The following CLTCL1 variants were observed in gnomAD, a reference collection of about 807,000 sequenced individuals.
The protein encoded by CLTCL1 is clathrin heavy chain like 1.
CLTCL1 carries 159 observed loss-of-function variants against 190.0 expected under a neutral mutation model. The observed-to-expected ratio is 0.84, with a 90% CI of 0.74 to 0.95. The LOEUF (loss-of-function observed/expected upper bound fraction) is 0.95, where lower values mean the gene tolerates loss of function less well. Ranked by LOEUF, CLTCL1 falls within the 40% of genes least tolerant of loss-of-function variation. The pLI is 0.00. For missense variants in CLTCL1, 1,878 were observed against 2,033.4 expected (o/e 0.92, Z 1.47); for synonymous variants, 752 against 769.6 (o/e 0.98, Z 0.38).
Position 19,198,364 on chromosome 22 carries a change from T to TA in CLTCL1, c.3873+1369dup, listed in dbSNP as rs1276399185. On this transcript the variant is annotated intron_variant, in intron 24 of 32. Coordinates refer to ENST00000427926, the MANE Select transcript of CLTCL1 (RefSeq NM_007098.4). This position sits in a 1 kb window ranked among gnomAD's most constrained non-coding sequence, Gnocchi z 4.1. ...CAGCTGCTCTTCTGGCTCCTGTCCC[T>TA]ACTCCTCAAGTATGTGTCTCAGCAC... Among the ~76,000 whole-genome samples, 1 of 152,078 alleles carries TA rather than the reference T, an allele frequency of 6.6e-6. No individual in the cohort carries two copies. The highest frequency in any genetic ancestry group is 6.5e-5 in the Admixed American group (1 of 15,274).
intron 1 of CLTCL1, among the ~76,000 whole-genome samples, chr22:19,276,305 TTAAACATTTCCC>T (rs2087501129): frequency 6.6e-6 from 1 of 152,218 alleles, no homozygotes; most frequent in African/African-American, 2.4e-5. Context: ...AAGTTTTTGC[TTAAACATTTCCC>T]TAGATATCAT....
At chr22:19,258,076 CTG>C in intron 2 of CLTCL1, 1 of 440,192 alleles carries the variant, frequency 2.3e-6, no homozygotes, top group East Asian at 5.6e-5. Flanking sequence ...TCCATGGGCT[CTG>C]CAAGGTCACT....
chr22:19,257,697 G>A (rs922986294), intron 2 of CLTCL1: 2 of 807,274 alleles, frequency 2.5e-6, no homozygotes, highest in Non-Finnish European at 3.6e-6. Context: ...GGGTGGCTTG[G>A]GGTCCAGGGC....
intron 2 of CLTCL1, chr22:19,258,295 C>T (rs560012258): frequency 2.4e-4 from 88 of 374,000 alleles, no homozygotes; most frequent in South Asian, 5.5e-4. Context: ...GACAAGCTGA[C>T]TCAGAAGAAC....
Position 19,196,644 on chromosome 22 carries a change from A to G in CLTCL1, c.3886T>C (p.Phe1296Leu), listed in dbSNP as rs1555936004. Residue 1296 changes from phenylalanine (F) to leucine (L), a missense_variant, in exon 25 of 33, where the codon TTT becomes CTT. Physicochemically the swap from Phe to Leu is conservative, Grantham distance 22. Transcript: ENST00000427926. ...LMCYYQDRGY[F>L]EELILLLEAA... ...TCCAACAGCAAGATCAGCTCCTCAA[A>G]GTAGCCACGATCCTAGCAGACCAAC... is the stretch of plus-strand genomic sequence containing the variant. The G allele has an allele frequency of 5.0e-6, 8 of 1,612,784 alleles. No homozygotes were observed. The highest frequency in any genetic ancestry group is 6.8e-6 in the Non-Finnish European group (8 of 1,179,466).
At chr22:19,224,770 C>T (rs1339011704) in intron 13 of CLTCL1, among the ~76,000 whole-genome samples, 1 of 152,176 alleles carries the variant, frequency 6.6e-6, no homozygotes, top group Non-Finnish European at 1.5e-5. Context: ...GGGGTGTCTT[C>T]TAAAGAGAAG....
At chr22:19,291,268 C>G (rs1457542729) in intron 1 of CLTCL1, among the ~76,000 whole-genome samples, 1 of 152,194 alleles carries the variant, frequency 6.6e-6, no homozygotes, top group African/African-American at 2.4e-5. Context: ...CTGTGGGATC[C>G]GCGCGGCCCT....
rs1203504487 is a variant in CLTCL1 at position 19,180,735 on chromosome 22, CA to C, written c.4898del (p.Val1633GlyfsTer60). 6.8e-6 allele frequency: 11 copies of C among 1,613,618 alleles called. No homozygotes were observed. The African/African-American group carries it at 1.5e-4, about 22-fold the overall frequency. ...GGGGCTACAGGTGCCACCTACCAAA[CA>C]CGAGAGGGGCAGGCTCTGTCACATG... ...EEHVTEPAPL[V>X]FDFDGHE On this transcript the variant is annotated frameshift_variant, in exon 31 of 33. Transcript: ENST00000427926. LOFTEE classifies it high-confidence loss of function.
In CLTCL1 at chr22:19,239,395, G is replaced by A; in HGVS notation, c.682-7C>T. On this transcript the variant is annotated splice_polypyrimidine_tract_variant and splice_region_variant and intron_variant, in intron 4 of 32. Transcript: ENST00000427926. ...CAACTTCAATGATGTGCAACTAGAA[G>A]AGAGATTTTAGGTCAATCAAGGGGA... 8.7e-6 allele frequency: 14 copies of A among 1,611,268 alleles called. No homozygotes were observed. The highest frequency in any genetic ancestry group is 1.2e-5 in the Non-Finnish European group (14 of 1,177,392).
In CLTCL1 at chr22:19,198,060, G is replaced by A. The variant is rs897802119; in HGVS notation, c.3874-1404C>T. Among the ~76,000 whole-genome samples, 1 of 152,166 alleles carries A rather than the reference G, an allele frequency of 6.6e-6. No homozygotes were observed. Among genetic ancestry groups the A allele is most frequent in the African/African-American group, 2.4e-5 (1 of 41,438 alleles). On this transcript the variant is annotated intron_variant, in intron 24 of 32. Coordinates refer to ENST00000427926, the MANE Select transcript of CLTCL1 (RefSeq NM_007098.4). The surrounding 1 kb of genome is among the most constrained non-coding windows in gnomAD (Gnocchi z 4.1). Reference sequence around the variant, plus strand: ...GGCAGCTCAAGACTTAGCACCATGTGTCCAAAAAGTAATTCTTGTCCTTCC... The same window carrying A: ...GGCAGCTCAAGACTTAGCACCATGTATCCAAAAAGTAATTCTTGTCCTTCC...
At chr22:19,279,500 TATCC>T (rs2087633065) in intron 1 of CLTCL1, among the ~76,000 whole-genome samples, 1 of 152,188 alleles carries the variant, frequency 6.6e-6, no homozygotes, top group South Asian at 2.1e-4. Context: ...TCTACAACAT[TATCC>T]ATCAGATTTG....
intron 3 of CLTCL1, 144 bp downstream of exon 3, chr22:19,253,815 C>T (rs1044961148): frequency 1.0e-6 from 1 of 954,178 alleles, no homozygotes. Context: ...ATCCTCCCGC[C>T]TCGGCCTCCC....
chr22:19,198,457 C>T lies in CLTCL1; in HGVS notation c.3873+1277G>A, dbSNP rs1220717778. On this transcript the variant is annotated intron_variant, in intron 24 of 32. Coordinates refer to ENST00000427926, the MANE Select transcript of CLTCL1 (RefSeq NM_007098.4). The surrounding 1 kb of genome is among the most constrained non-coding windows in gnomAD (Gnocchi z 4.1). ...ATCCCAAGTACAGCCCGTGACCTTCCTAACGGCCTGAGATCTGGCCCTCCG... is the reference window on the plus strand; with the variant it reads ...ATCCCAAGTACAGCCCGTGACCTTCTTAACGGCCTGAGATCTGGCCCTCCG... Among the ~76,000 whole-genome samples, 3 of 152,192 alleles carry T rather than the reference C, an allele frequency of 2.0e-5. No homozygotes were observed. Among genetic ancestry groups the T allele is most frequent in the Non-Finnish European group, 4.4e-5 (3 of 68,034 alleles).
chr22:19,183,581 C>G lies in CLTCL1; in HGVS notation c.4636G>C (p.Asp1546His). The G allele has an allele frequency of 6.2e-7, 1 of 1,613,718 alleles. No individual in the cohort carries two copies. Among genetic ancestry groups the G allele is most frequent in the Non-Finnish European group, 8.5e-7 (1 of 1,179,886 alleles). ...DAMQHAAESRDAELAQKLLQW... is the reference protein window; with the variant it reads ...DAMQHAAESRHAELAQKLLQW... ...AGCAACTTCTGGGCCAGCTCAGCAT[C>G]CCGCGACTCTGCAGCATGCTGCATG... Residue 1546 changes from aspartate (D) to histidine (H), a missense_variant, in exon 30 of 33, where the codon GAT becomes CAT. Coordinates refer to ENST00000427926, the MANE Select transcript of CLTCL1 (RefSeq NM_007098.4).
rs2085138780 is a variant in CLTCL1 at position 19,209,048 on chromosome 22, C to T, written c.3316G>A (p.Ala1106Thr). ...GCTTGGGCCAGCTGACTCCACACAGCAGGCTCATTGCATCTCTCCGCAAAC... is the reference window on the plus strand; with the variant it reads ...GCTTGGGCCAGCTGACTCCACACAGTAGGCTCATTGCATCTCTCCGCAAAC... ...YEFAERCNEP[A>T]VWSQLAQAQL... Residue 1106 changes from alanine to threonine, a missense_variant, in exon 21 of 33, where the codon GCT (alanine) becomes ACT (threonine). Transcript: ENST00000427926. 6 of 1,610,492 alleles carry T rather than the reference C, an allele frequency of 3.7e-6. No individual in the cohort carries two copies. Among genetic ancestry groups the T allele is most frequent in the African/African-American group, 2.7e-5 (2 of 74,868 alleles).
intron 7 of CLTCL1, 84 bp from the exon 8 acceptor site, chr22:19,233,706 A>C: frequency 7.8e-7 from 1 of 1,287,548 alleles, no homozygotes; most frequent in Non-Finnish European, 1.1e-6. Flanking sequence ...AAAAACAAAA[A>C]TCTGCCAGTG....
intron 3 of CLTCL1, among the ~76,000 whole-genome samples, chr22:19,248,724 AT>A (rs1173694959): frequency 6.6e-6 from 1 of 152,120 alleles, no homozygotes; most frequent in African/African-American, 2.4e-5. Flanking sequence ...TTCATGATGT[AT>A]TTTTAGTAGA....
rs893200239 is a variant in CLTCL1 at position 19,224,057 on chromosome 22, A to G, written c.2129-3T>C. On this transcript the variant is annotated splice_polypyrimidine_tract_variant and splice_region_variant and intron_variant, in intron 13 of 32. Transcript: ENST00000427926. The stretch of plus-strand genomic sequence containing the variant: ...TGAGCCCAGGAAGTAGAAGAGGCCT[A>G]TGAAGAGAGACCATTCCATTTTTGT... The G allele has an allele frequency of 2.0e-5, 32 of 1,613,892 alleles. No individual in the cohort carries two copies. The highest frequency in any genetic ancestry group is 2.5e-5 in the Non-Finnish European group (30 of 1,179,852).
intron 4 of CLTCL1, among the ~76,000 whole-genome samples, 181 bp downstream of exon 4, chr22:19,242,594 G>C (rs2086290509): frequency 6.6e-6 from 1 of 152,166 alleles, no homozygotes; most frequent in Non-Finnish European, 1.5e-5. Context: ...CGCCCAGCCT[G>C]AGGATTTTTT....
Sources: allele counts gnomAD v4.1 joint callset (sites outside exome capture counted in the v4.1 genomes callset), GRCh38; gene constraint gnomAD v4.1.1; non-coding constraint Gnocchi (gnomAD v3.1); transcripts MANE v1.5; gene names NCBI Gene and HGNC (gene_info 2026-07-23, HGNC 2026-07-21).